Variants in GARIN5B observed in about 807,000 individuals in gnomAD.
GARIN5B encodes golgi associated RAB2 interactor family member 5B.
At chr19:55,359,772 G>A in the GARIN5B span, 12 of 1,551,270 alleles carry the variant, frequency 7.7e-6, no homozygotes, top group Non-Finnish European at 9.6e-6. Flanking sequence ...GCAGCCGGGG[G>A]ATAGGGAGCC....
chr19:55,356,848 C>G, the GARIN5B span, among the ~76,000 whole-genome samples: 10 of 151,860 alleles, frequency 6.6e-5, 1 homozygote, highest in South Asian at 2.1e-3. Context: ...GTCAGGAGTT[C>G]GAGACCAGCC....
At chr19:55,362,071 C>T in the GARIN5B span, among the ~76,000 whole-genome samples, 1 of 150,810 alleles carries the variant, frequency 6.6e-6, no homozygotes, top group Admixed American at 6.6e-5. Context: ...GGAGTCCAGG[C>T]CCCCAGCATC....
chr19:55,360,671 C>T, the GARIN5B span: 1 of 1,550,298 alleles, frequency 6.5e-7, no homozygotes, highest in East Asian at 2.4e-5. Context: ...GGCCTGGGCC[C>T]TGCCCCGGGT....
chr19:55,361,246 G>C, the GARIN5B span: 3 of 1,550,852 alleles, frequency 1.9e-6, no homozygotes, highest in South Asian at 3.6e-5. Context: ...TGACTGGGAA[G>C]AGAGGAGACA....
the GARIN5B span, chr19:55,362,474 CAGAGGTGGACGAGGTCCAGGGGGA>C: frequency 4.5e-6 from 7 of 1,544,246 alleles, no homozygotes; most frequent in South Asian, 8.4e-5. Flanking sequence ...GTCATGGACG[CAGAGGTGGACGAGGTCCAGGGGGA>C]TCATCCTGGG....
chr19:55,357,318 C>A, the GARIN5B span, among the ~76,000 whole-genome samples: 1 of 152,302 alleles, frequency 6.6e-6, no homozygotes, highest in East Asian at 1.9e-4. Context: ...CTGCTCCAAA[C>A]CCTCCAGCTC....
At chr19:55,360,087 C>G in the GARIN5B span, 2 of 838,374 alleles carry the variant, frequency 2.4e-6, no homozygotes, top group East Asian at 5.4e-5. Context: ...GAGTCCAGGC[C>G]CCAGCCCCTC....
chr19:55,358,995 T>C, the GARIN5B span: 2 of 1,551,238 alleles, frequency 1.3e-6, no homozygotes, highest in Non-Finnish European at 1.7e-6. Flanking sequence ...GTTTGGCTAA[T>C]CAGGATGTCC....
At chr19:55,359,934 C>G in the GARIN5B span, 2,584 of 1,551,018 alleles carry the variant, frequency 1.7e-3, 6 homozygotes, top group Non-Finnish European at 2.1e-3. Flanking sequence ...GGGCTCTCAA[C>G]CACATGTCCC....
chr19:55,359,615 T>C, the GARIN5B span: 1 of 1,550,714 alleles, frequency 6.4e-7, no homozygotes, highest in Admixed American at 2.0e-5. Flanking sequence ...CTTCTGGGAC[T>C]GGTCAACAAG....
chr19:55,361,631 C>T, the GARIN5B span, among the ~76,000 whole-genome samples: 1 of 70,118 alleles, frequency 1.4e-5, no homozygotes, highest in Admixed American at 1.4e-4. Flanking sequence ...TCCCTCAGAC[C>T]CAGGAGTCCA....
the GARIN5B span, chr19:55,355,272 G>C: frequency 6.5e-7 from 1 of 1,545,438 alleles, no homozygotes; most frequent in Non-Finnish European, 8.7e-7. Context: ...GGCAGCGCTG[G>C]GCTCCTCTGG....
At chr19:55,362,508 G>A in the GARIN5B span, 7 of 1,538,138 alleles carry the variant, frequency 4.6e-6, no homozygotes, top group Non-Finnish European at 6.1e-6. Context: ...ATCATCCTGG[G>A]AGAGGGAGAG....
the GARIN5B span, among the ~76,000 whole-genome samples, chr19:55,361,787 A>T: frequency 8.4e-4 from 8 of 9,482 alleles, 1 homozygote; most frequent in Admixed American, 2.1e-3. Flanking sequence ...TCCAGACCCC[A>T]CAGCCCCTCC....
the GARIN5B span, among the ~76,000 whole-genome samples, chr19:55,356,274 G>A: frequency 6.6e-5 from 10 of 151,922 alleles, no homozygotes; most frequent in Non-Finnish European, 1.3e-4. Flanking sequence ...GCAGTGGCAC[G>A]ATGGTGGGTC....
chr19:55,357,742 C>A, the GARIN5B span, among the ~76,000 whole-genome samples: 1 of 152,172 alleles, frequency 6.6e-6, no homozygotes, highest in African/African-American at 2.4e-5. Flanking sequence ...GGCACAGAGT[C>A]GGCACTCACT....
chr19:55,362,269 C>G, the GARIN5B span: 4 of 1,533,862 alleles, frequency 2.6e-6, no homozygotes, highest in Middle Eastern at 1.9e-4. Context: ...TGGAGGCAGG[C>G]GCTTCGGCCA....
chr19:55,360,951 T>C, the GARIN5B span: 8 of 1,543,912 alleles, frequency 5.2e-6, no homozygotes, highest in Non-Finnish European at 7.0e-6. Context: ...TGGGCTGGGG[T>C]CTCCCACCTT....
At chr19:55,362,865 G>A in the GARIN5B span, 2 of 1,469,910 alleles carry the variant, frequency 1.4e-6, no homozygotes, top group East Asian at 2.5e-5. Context: ...AGCACGGGGG[G>A]CCTTGCTTCC....
Sources: allele counts gnomAD v4.1 joint callset (sites outside exome capture counted in the v4.1 genomes callset), GRCh38; gene constraint gnomAD v4.1.1; transcripts MANE v1.5; gene names NCBI Gene and HGNC (gene_info 2026-07-23, HGNC 2026-07-21).